Variants in INTS6L observed in about 807,000 individuals in gnomAD.
INTS6L encodes integrator complex subunit 6-like.
A neutral mutation model predicts 64.7 loss-of-function variants in INTS6L; 18 were observed. The observed-to-expected ratio is 0.28, with a 90% CI of 0.19 to 0.41. The LOEUF (loss-of-function observed/expected upper bound fraction) is 0.41, where lower values mean the gene tolerates loss of function less well. INTS6L is among the 10% of genes least tolerant of loss of function. The pLI, the probability that INTS6L is intolerant of heterozygous loss-of-function variation, is 1.00. For missense variants in INTS6L, 533 were observed against 661.0 expected, an observed-to-expected ratio of 0.81 and a Z score of 2.12; for synonymous variants, 227 against 235.9, an observed-to-expected ratio of 0.96 and a Z score of 0.34.
intron 9 of INTS6L, among the ~76,000 whole-genome samples, chrX:135,556,903 G>T (rs781962776): frequency 3.6e-5 from 4 of 111,781 alleles, no homozygotes; most frequent in African/African-American, 1.3e-4. Flanking sequence ...CAGTATCCTA[G>T]TTGTAAAGTT....
chrX:135,562,421 AT>A (rs1262887923), intron 9 of INTS6L, among the ~76,000 whole-genome samples: 1 of 112,263 alleles, frequency 8.9e-6, no homozygotes, highest in African/African-American at 3.2e-5. Flanking sequence ...ATGGCAAAGC[AT>A]ATTTTCTATC....
At chrX:135,567,949 C>A (rs1029116430) in intron 9 of INTS6L, among the ~76,000 whole-genome samples, 1 of 111,321 alleles carries the variant, frequency 9.0e-6, no homozygotes, top group Non-Finnish European at 1.9e-5. Context: ...CAAAGAATAG[C>A]CCTATTTGTA....
At chrX:135,545,857 C>T (rs1323175080) in intron 3 of INTS6L, among the ~76,000 whole-genome samples, 1 of 111,542 alleles carries the variant, frequency 9.0e-6, no homozygotes, top group Admixed American at 9.5e-5. Context: ...TGGAAAGAAA[C>T]TTTCAGTGTC....
At chrX:135,535,655 A>C (rs1169114260) in intron 2 of INTS6L, among the ~76,000 whole-genome samples, 1 of 112,213 alleles carries the variant, frequency 8.9e-6, no homozygotes, top group Non-Finnish European at 1.9e-5. Context: ...ATTTATGCAA[A>C]TTTTCTGGGT....
rs1262669470 is a variant in INTS6L at position 135,575,167 on chromosome X, G to T, written c.1825G>T (p.Asp609Tyr). The change falls in exon 14 of 18, where the codon GAT (aspartate) becomes TAT (tyrosine). Residue 609 changes from aspartate (D) to tyrosine (Y), a missense_variant. Asp to Tyr is a radical substitution (Grantham distance 160). Transcript: ENST00000639893. The stretch of plus-strand genomic sequence containing the variant: ...ATTGGCTTCTCCACTGCGAGAGATT[G>T]ATCCAGACCAACCCAAAAGACTGCA... ...KTLASPLREI[D>Y]PDQPKRLHTF... 1 of 1,210,128 alleles carries T rather than the reference G, an allele frequency of 8.3e-7. No homozygotes were observed. Among genetic ancestry groups the T allele is most frequent in the Non-Finnish European group, 1.1e-6 (1 of 895,281 alleles).
intron 2 of INTS6L, among the ~76,000 whole-genome samples, chrX:135,534,039 G>A (rs782452771): frequency 9.0e-6 from 1 of 110,859 alleles, no homozygotes; most frequent in African/African-American, 3.3e-5. Context: ...TGGTTTCTAC[G>A]TGTTACTGTC....
intron 2 of INTS6L, among the ~76,000 whole-genome samples, chrX:135,529,992 A>G (rs2085861008): frequency 1.8e-5 from 2 of 111,948 alleles, no homozygotes; most frequent in African/African-American, 6.5e-5. Context: ...TCTCTATTCT[A>G]GTCTATTCAG....
At chrX:135,550,894 T>G (rs2086486974) in intron 7 of INTS6L, among the ~76,000 whole-genome samples, 1 of 111,860 alleles carries the variant, frequency 8.9e-6, no homozygotes, top group Non-Finnish European at 1.9e-5. Flanking sequence ...CAACAAGTCT[T>G]CATTCATGTC....
intron 2 of INTS6L, among the ~76,000 whole-genome samples, chrX:135,539,046 A>G (rs2086126707): frequency 8.9e-6 from 1 of 112,299 alleles, no homozygotes; most frequent in African/African-American, 3.2e-5. Context: ...ATGGCAAATG[A>G]ATGTTGGCTT....
At chrX:135,581,447 G>A (rs1199861658) in intron 17 of INTS6L, 81 bp from the exon 18 acceptor site, 13 of 725,751 alleles carry the variant, frequency 1.8e-5, no homozygotes, top group Middle Eastern at 3.7e-4. Context: ...TGTAAGCTTC[G>A]ATTTGTATCC....
At chrX:135,531,171 C>T (rs2085896739) in intron 2 of INTS6L, among the ~76,000 whole-genome samples, 1 of 112,553 alleles carries the variant, frequency 8.9e-6, no homozygotes. Context: ...AATATTCATC[C>T]TCTTTGTCCT....
At position 135,549,625 on chromosome X, in the gene INTS6L, T is replaced by C; in HGVS notation, c.743-17T>C. The C allele has an allele frequency of 1.7e-6, 2 of 1,196,051 alleles. No individual in the cohort carries two copies. The highest frequency in any genetic ancestry group is 2.3e-6 in the Non-Finnish European group (2 of 887,383). ...AAAGAAACTCACGCCTTAGTTTGTC[T>C]TTTGTTTAACTTTTAGATGGACTTA... On this transcript the variant is annotated splice_polypyrimidine_tract_variant and intron_variant, in intron 6 of 17. Coordinates refer to ENST00000639893, the MANE Select transcript of INTS6L (RefSeq NM_001351601.3).
intron 3 of INTS6L, among the ~76,000 whole-genome samples, chrX:135,546,101 T>C (rs1166780228): frequency 8.9e-6 from 1 of 112,092 alleles, no homozygotes; most frequent in Non-Finnish European, 1.9e-5. Context: ...CTTGTAATAT[T>C]ATTTTGTGAT....
intron 13 of INTS6L, 151 bp downstream of exon 13, chrX:135,574,213 AGGCACATT>A: frequency 1.5e-6 from 1 of 680,371 alleles, no homozygotes; most frequent in Non-Finnish European, 2.0e-6. Context: ...TCTGTTTACC[AGGCACATT>A]TTTTTTTTCA....
At chrX:135,524,950 T>C (rs955484156) in intron 2 of INTS6L, among the ~76,000 whole-genome samples, 1 of 112,627 alleles carries the variant, frequency 8.9e-6, no homozygotes, top group Non-Finnish European at 1.9e-5. Flanking sequence ...TGTTGCTTTC[T>C]AGACAAGTTT....
chrX:135,569,344 G>GT lies in INTS6L; in HGVS notation c.1203dup (p.Lys402Ter). 8.5e-7 allele frequency: 1 copy of GT among 1,173,298 alleles called. No homozygotes were observed. Among genetic ancestry groups the GT allele is most frequent in the Non-Finnish European group, 1.1e-6 (1 of 875,775 alleles). ...TTTATTTTTCTATTACAGATGACTT[G>GT]TTTAAAGTTCACAAGCTTAAGCCAA... On this transcript the variant is annotated frameshift_variant, in exon 10 of 18. Transcript: ENST00000639893. LOFTEE classifies it high-confidence loss of function.
chrX:135,547,288 C>A, intron 6 of INTS6L, 23 bp downstream of exon 6: 6 of 1,186,809 alleles, frequency 5.1e-6, no homozygotes, highest in Non-Finnish European at 6.8e-6. Flanking sequence ...ACTTTTTTAA[C>A]CCTAAAGTGT....
chrX:135,525,938 T>C (rs1556500868), intron 2 of INTS6L, among the ~76,000 whole-genome samples: 1 of 111,996 alleles, frequency 8.9e-6, no homozygotes, highest in Non-Finnish European at 1.9e-5. Context: ...TTACTGGCCA[T>C]TTGTGGCATG....
intron 6 of INTS6L, among the ~76,000 whole-genome samples, chrX:135,548,145 A>C (rs782333175): frequency 1.8e-5 from 2 of 110,677 alleles, no homozygotes; most frequent in Non-Finnish European, 3.8e-5. Flanking sequence ...GACGAAGAAC[A>C]AAGGGGTCAA....
Sources: allele counts gnomAD v4.1 joint callset (sites outside exome capture counted in the v4.1 genomes callset), GRCh38; gene constraint gnomAD v4.1.1; transcripts MANE v1.5; gene names NCBI Gene and HGNC (gene_info 2026-07-23, HGNC 2026-07-21).